BIRC6: variants seen among roughly 807,000 people sequenced by gnomAD.
The protein encoded by BIRC6 is baculoviral IAP repeat containing 6, also known as dual E2 ubiquitin-conjugating enzyme/E3 ubiquitin-protein ligase BIRC6.
Under a neutral mutation model 503.3 loss-of-function variants are expected in BIRC6, and 98 were observed. The observed-to-expected ratio is 0.19, with a 90% CI of 0.17 to 0.23. The LOEUF is 0.23. BIRC6 is among the 10% of genes least tolerant of loss of function. The pLI, the probability that BIRC6 is intolerant of heterozygous loss-of-function variation, is 1.00. For missense variants in BIRC6, 5,360 were observed against 5,806.0 expected (o/e 0.92, Z 2.50); for synonymous variants, 2,240 against 2,078.7 (o/e 1.08, Z -2.11).
chr2:32,470,097 G>C, intron 30 of BIRC6, 71 bp from the exon 31 acceptor site: 1 of 1,221,756 alleles, frequency 8.2e-7, no homozygotes, highest in South Asian at 2.1e-5. Flanking sequence ...AAATTTCTAT[G>C]TAAATTATTT....
At chr2:32,508,702 C>G (rs555212745) in intron 51 of BIRC6, among the ~76,000 whole-genome samples, 102 of 152,106 alleles carry the variant, frequency 6.7e-4, no homozygotes, top group African/African-American at 2.4e-3. Context: ...AACAAGGACC[C>G]AAATATATTT....
Position 32,501,806 on chromosome 2 carries a change from C to A in BIRC6, c.9125C>A (p.Thr3042Asn), listed in dbSNP as rs2053227420. ...GATGGATTATTTACCATACTGACAACCCTTAGTAAAAAAGCTTCTACAGTC... is the reference window on the plus strand; with the variant it reads ...GATGGATTATTTACCATACTGACAAACCTTAGTAAAAAAGCTTCTACAGTC... ...VGDGLFTILT[T>N]LSKKASTVHM... Residue 3042 changes from threonine to asparagine, a missense_variant, in exon 47 of 74, where the codon ACC becomes AAC. Coordinates refer to ENST00000421745, the MANE Select transcript of BIRC6 (RefSeq NM_016252.4). 1.2e-6 allele frequency: 2 copies of A among 1,613,806 alleles called. No homozygotes were observed. The highest frequency in any genetic ancestry group is 2.2e-5 in the East Asian group (1 of 44,878).
chr2:32,451,436 G>A (rs567417037), intron 22 of BIRC6, among the ~76,000 whole-genome samples: 66 of 152,042 alleles, frequency 4.3e-4, no homozygotes, highest in Non-Finnish European at 8.8e-4. Context: ...TTTTGATTTC[G>A]TTGACATTTT....
intron 65 of BIRC6, chr2:32,557,284 C>T (rs1430806367): frequency 6.6e-6 from 1 of 152,118 alleles, no homozygotes; most frequent in East Asian, 1.9e-4. Flanking sequence ...ACTAAATTTC[C>T]CTTTCCTGTA....
At chr2:32,447,405 G>A (rs2046132761) in intron 21 of BIRC6, among the ~76,000 whole-genome samples, 2 of 150,880 alleles carry the variant, frequency 1.3e-5, no homozygotes, top group African/African-American at 4.9e-5. Flanking sequence ...CTCCCTCCCG[G>A]ACGGGGCGGC....
At chr2:32,480,936 G>C (rs1321745133) in intron 37 of BIRC6, among the ~76,000 whole-genome samples, 1 of 151,968 alleles carries the variant, frequency 6.6e-6, no homozygotes, top group Non-Finnish European at 1.5e-5. Flanking sequence ...CACCATGCCT[G>C]GCCGGTAAAT....
At chr2:32,564,927 G>A (rs2059430063) in intron 65 of BIRC6, 1 of 152,314 alleles carries the variant, frequency 6.6e-6, no homozygotes, top group African/African-American at 2.4e-5. Context: ...TGAGCTGAGG[G>A]TGGGGAAGAA....
At chr2:32,552,552 C>T (rs912884514) in intron 65 of BIRC6, among the ~76,000 whole-genome samples, 1 of 152,170 alleles carries the variant, frequency 6.6e-6, no homozygotes, top group African/African-American at 2.4e-5. Context: ...AGCATATAAG[C>T]TCCTTAGAGG....
intron 39 of BIRC6, among the ~76,000 whole-genome samples, chr2:32,483,080 G>A (rs942487465): frequency 8.7e-6 from 1 of 114,652 alleles, no homozygotes; most frequent in Non-Finnish European, 1.8e-5. Flanking sequence ...ACCAAGCCCA[G>A]CTATTTTTTG....
intron 1 of BIRC6, among the ~76,000 whole-genome samples, chr2:32,372,693 C>T (rs1398629528): frequency 6.6e-6 from 1 of 151,922 alleles, no homozygotes; most frequent in African/African-American, 2.4e-5. Flanking sequence ...AGCCAGACAT[C>T]ATGGTGTGCG....
intron 45 of BIRC6, among the ~76,000 whole-genome samples, chr2:32,494,448 G>T (rs965853806): frequency 4.0e-5 from 6 of 151,256 alleles, no homozygotes; most frequent in Non-Finnish European, 5.9e-5. Flanking sequence ...GGGTGGTCTC[G>T]ATCTCCTGAC....
chr2:32,537,712 A>G (rs962487443), intron 61 of BIRC6, among the ~76,000 whole-genome samples: 1 of 152,218 alleles, frequency 6.6e-6, no homozygotes, highest in Admixed American at 6.5e-5. Flanking sequence ...CAAGCCTGCA[A>G]TCCCAGCACT....
intron 66 of BIRC6, among the ~76,000 whole-genome samples, chr2:32,587,236 A>G (rs1389553869): frequency 6.6e-6 from 1 of 152,184 alleles, no homozygotes; most frequent in Non-Finnish European, 1.5e-5. Flanking sequence ...AAAATACAAA[A>G]ATTAGCTGGG....
At position 32,503,191 on chromosome 2, in the gene BIRC6, T is replaced by G; in HGVS notation, c.9454T>G (p.Ser3152Ala). ...DSTLKTRILA[S>A]EPDNAEGIHN... ...CACATTGAAAACAAGAATACTAGCT[T>G]CTGAGCCTGACAATGCTGAAGGGAT... Residue 3152 changes from serine to alanine, a missense_variant, in exon 49 of 74, where the codon TCT (serine) becomes GCT (alanine). Physicochemically the swap from Ser to Ala is moderately conservative, Grantham distance 99. Around this residue, in one of 16 missense-constraint regions of BIRC6, gnomAD observed 267 missense variants for 287.6 expected, o/e 0.93. Transcript: ENST00000421745. 6.2e-7 allele frequency: 1 copy of G among 1,612,990 alleles called. No individual in the cohort carries two copies. Among genetic ancestry groups the G allele is most frequent in the Non-Finnish European group, 8.5e-7 (1 of 1,179,582 alleles).
chr2:32,548,063 A>G (rs750815081), intron 64 of BIRC6, 49 bp downstream of exon 64: 1 of 1,441,748 alleles, frequency 6.9e-7, no homozygotes, highest in East Asian at 2.5e-5. Context: ...TTTTTTTTGT[A>G]TTTATTATTT....
intron 34 of BIRC6, among the ~76,000 whole-genome samples, chr2:32,476,883 G>T (rs183577921): frequency 4.6e-5 from 7 of 152,062 alleles, no homozygotes; most frequent in African/African-American, 1.7e-4. Context: ...TAAAACCTTG[G>T]TGTTTACTTT....
chr2:32,571,917 T>C (rs1008895157), intron 65 of BIRC6, among the ~76,000 whole-genome samples: 9 of 152,198 alleles, frequency 5.9e-5, no homozygotes, highest in African/African-American at 9.6e-5. Flanking sequence ...GTTTTTCTGA[T>C]GTTGCGTTTC....
At chr2:32,568,844 C>CAA (rs879643734) in intron 65 of BIRC6, among the ~76,000 whole-genome samples, 2 of 130,038 alleles carry the variant, frequency 1.5e-5, no homozygotes, top group East Asian at 2.2e-4. Flanking sequence ...AACTCAGTCT[C>CAA]AAAAAAAAAA....
intron 45 of BIRC6, among the ~76,000 whole-genome samples, chr2:32,494,740 A>AAAAAAG (rs929786304): frequency 1.3e-5 from 2 of 151,932 alleles, no homozygotes; most frequent in African/African-American, 2.4e-5. Flanking sequence ...CTTCTCTAAA[A>AAAAAAG]AAAAAGAAAA....
Sources: gnomAD v4.1 joint callset for allele counts (sites outside exome capture counted in the v4.1 genomes callset) on GRCh38, gnomAD v4.1.1 for gene constraint, gnomAD v4.1.1 regional missense constraint, MANE v1.5 for transcripts, NCBI Gene and HGNC (gene_info 2026-07-23, HGNC 2026-07-21) for gene names.